SPAG6: variants seen among roughly 807,000 people sequenced by gnomAD.
SPAG6 encodes the protein sperm-associated antigen 6.
Under a neutral mutation model 58.5 loss-of-function variants are expected in SPAG6, and 49 were observed. That is an observed-to-expected ratio of 0.84 (90% CI 0.67 to 1.06). SPAG6 has a LOEUF of 1.06. Among genes scored for constraint, SPAG6 ranks in the 50% least tolerant of loss-of-function variants. The pLI is 0.00. For synonymous variants in SPAG6, 233 were observed against 225.6 expected, an observed-to-expected ratio of 1.03 and a Z score of -0.29; for missense variants, 560 against 611.3, an observed-to-expected ratio of 0.92 and a Z score of 0.89.
At chr10:22,348,945 G>T (rs950780009) in intron 2 of SPAG6, among the ~76,000 whole-genome samples, 9 of 152,150 alleles carry the variant, frequency 5.9e-5, no homozygotes, top group Non-Finnish European at 1.2e-4. Flanking sequence ...TGATTCTCCT[G>T]CCTCAGCCTC....
intron 4 of SPAG6, among the ~76,000 whole-genome samples, chr10:22,376,426 C>T (rs540787621): frequency 2.6e-5 from 4 of 152,048 alleles, no homozygotes; most frequent in African/African-American, 7.2e-5. Context: ...TGGCTAATTT[C>T]GAGTTTTAAA....
chr10:22,404,001 A>G (rs1172966691), intron 9 of SPAG6, among the ~76,000 whole-genome samples: 2 of 145,060 alleles, frequency 1.4e-5, no homozygotes, highest in Non-Finnish European at 3.0e-5. Flanking sequence ...TTTCTTGTAA[A>G]TTTGTTTGAG....
chr10:22,407,388 C>T (rs1290027158), intron 9 of SPAG6, among the ~76,000 whole-genome samples: 18 of 150,854 alleles, frequency 1.2e-4, no homozygotes, highest in African/African-American at 4.4e-4. Flanking sequence ...ATTTCTCCTT[C>T]ACTTATGAAG....
chr10:22,377,442 C>G (rs897346454), intron 4 of SPAG6, among the ~76,000 whole-genome samples: 3 of 152,156 alleles, frequency 2.0e-5, no homozygotes, highest in African/African-American at 7.2e-5. Flanking sequence ...CAATAGATAA[C>G]TAATATGTAA....
chr10:22,416,685 C>G lies in SPAG6; in HGVS notation c.1527C>G (p.Asn509Lys), dbSNP rs376578901. Reference protein sequence around the residue: ...QRVDSYQPLNN With the variant: ...QRVDSYQPLNK ...TGGACAGCTATCAACCACTTAATAA[C>G]TGAGCAAAGTTATATTGTGATACTC... The change falls in exon 11 of 11, where the codon AAC (asparagine) becomes AAG (lysine). Residue 509 changes from asparagine (N) to lysine (K), a missense_variant. Physicochemically the swap from Asn to Lys is moderately conservative, Grantham distance 94. Coordinates refer to ENST00000376624, the MANE Select transcript of SPAG6 (RefSeq NM_012443.4). 7.5e-5 allele frequency: 120 copies of G among 1,591,462 alleles called. No homozygotes were observed. The highest frequency in any genetic ancestry group is 9.7e-5 in the Non-Finnish European group (113 of 1,159,986).
intron 9 of SPAG6, among the ~76,000 whole-genome samples, chr10:22,402,260 C>T (rs1169077374): frequency 2.6e-5 from 4 of 151,658 alleles, no homozygotes; most frequent in East Asian, 3.9e-4. Context: ...AACATGCAAG[C>T]GGGTCAGGCT....
At chr10:22,350,038 T>C (rs933978745) in intron 2 of SPAG6, among the ~76,000 whole-genome samples, 4 of 152,118 alleles carry the variant, frequency 2.6e-5, no homozygotes, top group African/African-American at 9.7e-5. Context: ...TCAAAGGATA[T>C]TGAAACTGAA....
At position 22,345,999 on chromosome 10, in the gene SPAG6, G is replaced by A; in HGVS notation, c.121+181G>A. The A allele has an allele frequency of 6.5e-7, 1 of 1,548,040 alleles. No individual in the cohort carries two copies. The highest frequency in any genetic ancestry group is 1.4e-5 in the African/African-American group (1 of 73,112). On this transcript the variant is annotated intron_variant, in intron 2 of 10. Transcript: ENST00000376624. This position sits in a 1 kb window ranked among gnomAD's most constrained non-coding sequence, Gnocchi z 6.3. Reference sequence around the variant, plus strand: ...GCCGAGAGGGTGAAGCTTCCAGATGGTTGTGGGAGGTGCGCGTTGTCCCTG... The same window carrying A: ...GCCGAGAGGGTGAAGCTTCCAGATGATTGTGGGAGGTGCGCGTTGTCCCTG...
In SPAG6 at chr10:22,417,426, A is replaced by G. The variant is rs1049506706; in HGVS notation, c.*738A>G. ...AGCTCTGCTCATGAATGAACAAAGA[A>G]GCAGGCATGTAAAATGGATCCTTGT... is the stretch of plus-strand genomic sequence containing the variant. On this transcript the variant is annotated 3_prime_UTR_variant, in exon 11 of 11. Transcript: ENST00000376624. The G allele has an allele frequency of 2.6e-5, 4 of 152,214 alleles. No homozygotes were observed. Among genetic ancestry groups the G allele is most frequent in the African/African-American group, 9.6e-5 (4 of 41,454 alleles). 9.4% of individuals were successfully genotyped at this position (152,214 alleles called of 1,614,324 possible). A position where few individuals can be genotyped will look rare whatever the true frequency, so the allele number is the denominator to read the frequency against.
chr10:22,401,362 T>G, intron 9 of SPAG6, 85 bp downstream of exon 9: 1 of 720,116 alleles, frequency 1.4e-6, no homozygotes, highest in Non-Finnish European at 2.5e-6. Context: ...AGTAGCTTTT[T>G]CTGTAACACG....
intron 8 of SPAG6, among the ~76,000 whole-genome samples, chr10:22,396,296 T>TAA (rs1834291151): frequency 6.6e-6 from 1 of 152,282 alleles, no homozygotes; most frequent in Non-Finnish European, 1.5e-5. Context: ...ATACTGTTCT[T>TAA]GTGGTAGGGA....
chr10:22,376,747 T>C (rs546343481), intron 4 of SPAG6, among the ~76,000 whole-genome samples: 51 of 152,116 alleles, frequency 3.4e-4, no homozygotes, highest in African/African-American at 1.1e-3. Context: ...CTGGTCTGTG[T>C]GGCCAGCAGA....
intron 9 of SPAG6, among the ~76,000 whole-genome samples, chr10:22,401,898 T>A (rs1251787209): frequency 6.6e-6 from 1 of 152,184 alleles, no homozygotes; most frequent in East Asian, 1.9e-4. Context: ...CAGACACTGA[T>A]AGTCAGGATG....
chr10:22,392,155 C>A (rs1037209333), intron 8 of SPAG6, among the ~76,000 whole-genome samples: 1 of 152,144 alleles, frequency 6.6e-6, no homozygotes, highest in Non-Finnish European at 1.5e-5. Flanking sequence ...ATGGTTAATG[C>A]AGTCTACATT....
At chr10:22,347,187 G>A (rs879488917) in intron 2 of SPAG6, among the ~76,000 whole-genome samples, 10 of 152,014 alleles carry the variant, frequency 6.6e-5, no homozygotes, top group African/African-American at 1.2e-4. Flanking sequence ...CCCTAACCCT[G>A]GACAACCACT....
At chr10:22,380,459 G>A (rs1240225369) in intron 4 of SPAG6, among the ~76,000 whole-genome samples, 1 of 151,926 alleles carries the variant, frequency 6.6e-6, no homozygotes, top group Non-Finnish European at 1.5e-5. Context: ...CACCATGCCT[G>A]GCTAATTTTT....
chr10:22,374,781 A>C (rs1401457797), intron 4 of SPAG6, among the ~76,000 whole-genome samples: 1 of 152,112 alleles, frequency 6.6e-6, no homozygotes, highest in Non-Finnish European at 1.5e-5. Flanking sequence ...GTCTCAAAAA[A>C]AAAAAAGATG....
At chr10:22,353,200 A>C (rs1204905712) in intron 2 of SPAG6, among the ~76,000 whole-genome samples, 2 of 152,232 alleles carry the variant, frequency 1.3e-5, no homozygotes, top group African/African-American at 4.8e-5. Context: ...TTACCTATGA[A>C]AACTCTTGGA....
intron 9 of SPAG6, among the ~76,000 whole-genome samples, chr10:22,401,752 T>G (rs1834419842): frequency 6.6e-6 from 1 of 152,218 alleles, no homozygotes; most frequent in Non-Finnish European, 1.5e-5. Flanking sequence ...AATATAGCTG[T>G]CATATTTCTT....
Sources: gnomAD v4.1 joint callset for allele counts (sites outside exome capture counted in the v4.1 genomes callset) on GRCh38, gnomAD v4.1.1 for gene constraint, Gnocchi (gnomAD v3.1) non-coding constraint, MANE v1.5 for transcripts, NCBI Gene and HGNC (gene_info 2026-07-23, HGNC 2026-07-21) for gene names.